Variants in EML1 observed in about 807,000 individuals in gnomAD.
The protein encoded by EML1 is EMAP like 1, also known as echinoderm microtubule-associated protein-like 1.
EML1 carries 27 observed loss-of-function variants against 110.4 expected under a neutral mutation model. The ratio of observed to expected loss-of-function variants is 0.24; its 90% CI spans 0.18 to 0.34. EML1 has a LOEUF of 0.34. Among genes scored for constraint, EML1 ranks in the 10% least tolerant of loss-of-function variants. The probability of loss-of-function intolerance (pLI) is 1.00; values close to 1 mark genes in which losing one functional copy is unlikely to be tolerated. For missense variants in EML1, 741 were observed against 1,030.9 expected, an observed-to-expected ratio of 0.72 and a Z score of 3.85; for synonymous variants, 344 against 385.8, an observed-to-expected ratio of 0.89 and a Z score of 1.27.
chr14:99,813,365 A>C (rs2058113382), intron 1 of EML1, among the ~76,000 whole-genome samples: 1 of 152,340 alleles, frequency 6.6e-6, no homozygotes, highest in Admixed American at 6.5e-5. Flanking sequence ...TGTTGTAGAA[A>C]ATATCATTTG....
At chr14:99,833,328 G>A (rs938452326) in intron 1 of EML1, among the ~76,000 whole-genome samples, 18 of 152,068 alleles carry the variant, frequency 1.2e-4, no homozygotes, top group South Asian at 2.1e-4. Flanking sequence ...TAAAGGTATC[G>A]GTCTGTTTCT....
intron 1 of EML1, 76 bp from the exon 2 acceptor site, chr14:99,850,777 A>G (rs1254956868): frequency 2.0e-6 from 3 of 1,503,686 alleles, no homozygotes; most frequent in Non-Finnish European, 2.7e-6. Context: ...TTAAAACAGC[A>G]TGCTAGATAG....
upstream of EML1, among the ~76,000 whole-genome samples, chr14:99,769,839 T>C (rs1351795509): frequency 1.3e-5 from 2 of 152,188 alleles, no homozygotes; most frequent in South Asian, 2.1e-4. Context: ...CCTCCTTATC[T>C]TGTTCTTGCT....
At chr14:99,871,456 T>A (rs764532156) in intron 3 of EML1, among the ~76,000 whole-genome samples, 18 of 151,040 alleles carry the variant, frequency 1.2e-4, no homozygotes, top group Admixed American at 2.6e-4. Flanking sequence ...GAGACTGCAG[T>A]GAGCCATGAT....
chr14:99,786,061 C>CAAAAAAAAAAA (rs56240053), intron 1 of EML1, among the ~76,000 whole-genome samples: 7 of 120,384 alleles, frequency 5.8e-5, no homozygotes, highest in African/African-American at 1.8e-4. Flanking sequence ...CCTGGCTGCT[C>CAAAAAAAAAAA]AAAAAAAAAA....
rs2060479473 is a variant in EML1 at position 99,936,724 on chromosome 14, C to T, written c.2095+390C>T. Among the ~76,000 whole-genome samples, 1 of 152,140 alleles carries T rather than the reference C, an allele frequency of 6.6e-6. No homozygotes were observed. The highest frequency in any genetic ancestry group is 1.5e-5 in the Non-Finnish European group (1 of 68,002). On this transcript the variant is annotated intron_variant, in intron 19 of 21. Transcript: ENST00000262233. This position sits in a 1 kb window ranked among gnomAD's most constrained non-coding sequence, Gnocchi z 5.5. The stretch of plus-strand genomic sequence containing the variant: ...AAGGTGTTATCCTCACAGGAGGGAC[C>T]ATGAAGTCCATCCCCGCTGGGTGGA...
intron 1 of EML1, among the ~76,000 whole-genome samples, chr14:99,845,349 CT>C (rs1285663570): frequency 6.6e-6 from 1 of 152,134 alleles, no homozygotes; most frequent in Non-Finnish European, 1.5e-5. Flanking sequence ...CATTTTTCCC[CT>C]TGCCTATTTT....
At chr14:99,868,338 G>A (rs1480997449) in intron 3 of EML1, among the ~76,000 whole-genome samples, 2 of 152,048 alleles carry the variant, frequency 1.3e-5, no homozygotes, top group Non-Finnish European at 2.9e-5. Flanking sequence ...GCAATGATTT[G>A]GAAGTGTTCC....
chr14:99,747,588 C>T (rs967497924), intron 1 of EML1, among the ~76,000 whole-genome samples: 1 of 152,204 alleles, frequency 6.6e-6, no homozygotes, highest in Non-Finnish European at 1.5e-5. Context: ...CTTTCTGTGT[C>T]TATTCATGTC....
intron 1 of EML1, among the ~76,000 whole-genome samples, chr14:99,819,184 G>A (rs1326796786): frequency 6.6e-6 from 1 of 152,010 alleles, no homozygotes; most frequent in Non-Finnish European, 1.5e-5. Flanking sequence ...TGAACTCTTG[G>A]CCTCAAGTCA....
intron 1 of EML1, among the ~76,000 whole-genome samples, chr14:99,761,597 A>G (rs1312501529): frequency 6.6e-6 from 1 of 152,100 alleles, no homozygotes; most frequent in African/African-American, 2.4e-5. Context: ...CAGAATGGGC[A>G]TTCAAAATGA....
In EML1 at chr14:99,756,439, G is replaced by A. The variant is rs116741957; in HGVS notation, c.28+18579G>A. On this transcript the variant is annotated intron_variant, in intron 1 of 10. Coordinates refer to the EML1 transcript ENST00000554479. ...GGCTCAAGGCCCAGGCAAAGGCCGCGGGAGGCCTCTGTCTGGGGTTCCCAC... is the reference window on the plus strand; with the variant it reads ...GGCTCAAGGCCCAGGCAAAGGCCGCAGGAGGCCTCTGTCTGGGGTTCCCAC... 4.7e-3 allele frequency among the ~76,000 whole-genome samples: 715 copies of A among 152,340 alleles called. 4 individuals carry two copies. Among genetic ancestry groups the A allele is most frequent in the African/African-American group, 0.016 (676 of 41,588 alleles).
intron 15 of EML1, among the ~76,000 whole-genome samples, chr14:99,917,557 CT>C (rs1047523490): frequency 6.6e-6 from 1 of 151,932 alleles, no homozygotes; most frequent in African/African-American, 2.4e-5. Context: ...GAGATCCTGC[CT>C]CAAAAAAGGG....
At chr14:99,780,270 C>T (rs1008053826) in intron 1 of EML1, among the ~76,000 whole-genome samples, 3 of 152,104 alleles carry the variant, frequency 2.0e-5, no homozygotes, top group African/African-American at 7.2e-5. Flanking sequence ...GAAGGGAGCA[C>T]AGTTCAGTCC....
chr14:99,875,502 G>A (rs567749569), intron 3 of EML1, among the ~76,000 whole-genome samples: 1 of 152,266 alleles, frequency 6.6e-6, no homozygotes, highest in East Asian at 1.9e-4. Flanking sequence ...AAATCAGTTA[G>A]TGTTTGCTGT....
chr14:99,934,095 C>CA (rs945004864), intron 17 of EML1, among the ~76,000 whole-genome samples: 25 of 150,514 alleles, frequency 1.7e-4, no homozygotes, highest in African/African-American at 4.4e-4. Context: ...AACTCCGTCT[C>CA]AAAAAAAAAC....
chr14:99,842,252 G>A (rs2058645241), intron 1 of EML1, among the ~76,000 whole-genome samples: 1 of 152,188 alleles, frequency 6.6e-6, no homozygotes, highest in African/African-American at 2.4e-5. Context: ...GATTCAAATG[G>A]TTTGTGTTGG....
At chr14:99,892,971 G>T (rs2059612777) in intron 5 of EML1, among the ~76,000 whole-genome samples, 1 of 145,884 alleles carries the variant, frequency 6.9e-6, no homozygotes, top group African/African-American at 2.7e-5. Context: ...AATCGTTTGG[G>T]TGCTTTTAGA....
upstream of EML1, among the ~76,000 whole-genome samples, chr14:99,793,082 A>G (rs548500861): frequency 3.1e-3 from 465 of 149,722 alleles, 3 homozygotes; most frequent in African/African-American, 0.011. Context: ...CGCGCCCCGC[A>G]GCCCCTGAGC....
Sources: allele counts gnomAD v4.1 joint callset (sites outside exome capture counted in the v4.1 genomes callset), GRCh38; gene constraint gnomAD v4.1.1; non-coding constraint Gnocchi (gnomAD v3.1); transcripts MANE v1.5; gene names NCBI Gene and HGNC (gene_info 2026-07-23, HGNC 2026-07-21).